ERCC6: variants seen among roughly 807,000 people sequenced by gnomAD.
ERCC6 encodes the protein ERCC excision repair 6, chromatin remodeling factor.
A neutral mutation model predicts 158.7 loss-of-function variants in ERCC6; 116 were observed. That is an observed-to-expected ratio of 0.73 (90% CI 0.63 to 0.85). The LOEUF (loss-of-function observed/expected upper bound fraction) is 0.85, where lower values mean the gene tolerates loss of function less well. ERCC6 is among the 40% of genes least tolerant of loss of function. The probability of loss-of-function intolerance (pLI) is 0.00; values close to 1 mark genes in which losing one functional copy is unlikely to be tolerated. For synonymous variants in ERCC6, 678 were observed against 659.3 expected (o/e 1.03, Z -0.43); for missense variants, 1,698 against 1,799.4 (o/e 0.94, Z 1.02).
At chr10:49,521,744 G>GA (rs1211294722) in intron 5 of ERCC6, among the ~76,000 whole-genome samples, 1 of 152,172 alleles carries the variant, frequency 6.6e-6, no homozygotes, top group Non-Finnish European at 1.5e-5. Flanking sequence ...TACACGGTTT[G>GA]AAAAATGGTT....
intron 7 of ERCC6, among the ~76,000 whole-genome samples, chr10:49,498,293 C>G (rs1245463765): frequency 6.6e-6 from 1 of 152,168 alleles, no homozygotes; most frequent in Non-Finnish European, 1.5e-5. Flanking sequence ...CAAATTAGGG[C>G]CCCTCTACAG....
At chr10:49,505,702 A>C (rs1281668462) in intron 6 of ERCC6, 182 bp downstream of exon 6, 1 of 664,520 alleles carries the variant, frequency 1.5e-6, no homozygotes, top group Non-Finnish European at 2.5e-6. Context: ...TAGTCAACTT[A>C]TTATCATCCA....
At chr10:49,519,690 C>T (rs911170865) in intron 5 of ERCC6, among the ~76,000 whole-genome samples, 10 of 152,122 alleles carry the variant, frequency 6.6e-5, no homozygotes, top group African/African-American at 2.2e-4. Flanking sequence ...TGAGTGTGGG[C>T]CATAGTAAAG....
intron 1 of ERCC6, among the ~76,000 whole-genome samples, chr10:49,534,145 A>AAC (rs1837539156): frequency 6.7e-6 from 1 of 149,042 alleles, no homozygotes; most frequent in Admixed American, 6.7e-5. Context: ...AAAAAAAAAA[A>AAC]AAAAAAAAAC....
At position 49,470,291 on chromosome 10, in the gene ERCC6, T is replaced by A; in HGVS notation, c.3669A>T (p.Pro1223=). The A allele has an allele frequency of 1.2e-6, 2 of 1,614,154 alleles. No homozygotes were observed. Among genetic ancestry groups the A allele is most frequent in the South Asian group, 1.1e-5 (1 of 91,078 alleles). ...GGTAACGCCTTTTCTTCACCAGGTG[T>A]GGAATTCGAGTTCCTTCAAACTTGG... ...RDAKFEGTRI[P]HLVKKRRYQK... The change falls in exon 18 of 21, where the codon CCA becomes CCT. Residue 1223 remains proline (P), a synonymous_variant. Transcript: ENST00000355832.
rs1259811578 is a variant in ERCC6 at position 49,455,263 on chromosome 10, CTT to C, written c.*3550_*3551del. Reference sequence around the variant, plus strand: ...AAATTTCATCCAAGAATATAAAAGACTTTAATAAAATGAGGCCTATCATAACA... The same window carrying C: ...AAATTTCATCCAAGAATATAAAAGACTAATAAAATGAGGCCTATCATAACA... On this transcript the variant is annotated 3_prime_UTR_variant, in exon 21 of 21. Coordinates refer to ENST00000355832, the MANE Select transcript of ERCC6 (RefSeq NM_000124.4). 5.9e-5 allele frequency: 9 copies of C among 152,034 alleles called. No homozygotes were observed. The highest frequency in any genetic ancestry group is 1.2e-4 in the Non-Finnish European group (8 of 68,006). The allele number at this position is 152,034 out of a possible 1,614,324, so 9.4% of individuals were successfully genotyped here.
In ERCC6 at chr10:49,524,686, A is replaced by G; in HGVS notation, c.744T>C (p.Phe248=). 6.2e-7 allele frequency: 1 copy of G among 1,612,588 alleles called. No homozygotes were observed. The highest frequency in any genetic ancestry group is 1.1e-5 in the South Asian group (1 of 91,082). The change falls in exon 5 of 21, where the codon TTT becomes TTC. Residue 248 remains phenylalanine (F), a synonymous_variant. Transcript: ENST00000355832. ...ELIRTGQMTP[F]GTQIPQKQEK... is the part of the protein sequence containing the mutation. ...CCTGTTTCTGAGGGATCTGGGTACCAAAAGGTGTCATCTGGCCAGTGCGGA... is the reference window on the plus strand; with the variant it reads ...CCTGTTTCTGAGGGATCTGGGTACCGAAAGGTGTCATCTGGCCAGTGCGGA...
intron 12 of ERCC6, among the ~76,000 whole-genome samples, chr10:49,475,089 C>T (rs1025323096): frequency 3.3e-5 from 5 of 152,222 alleles, no homozygotes; most frequent in Admixed American, 6.5e-5. Flanking sequence ...GTGACTCATT[C>T]TTCTTCCTTT....
At chr10:49,520,360 G>C (rs927444592) in intron 5 of ERCC6, among the ~76,000 whole-genome samples, 1 of 152,060 alleles carries the variant, frequency 6.6e-6, no homozygotes, top group Non-Finnish European at 1.5e-5. Context: ...AGTCTGCGAG[G>C]GCAGCAACTT....
the ERCC6 span, among the ~76,000 whole-genome samples, chr10:49,440,032 C>A: frequency 4.6e-5 from 7 of 152,192 alleles, no homozygotes; most frequent in African/African-American, 7.2e-5. Context: ...ATTTTCCTGT[C>A]CTCTTCTGAG....
At chr10:49,438,056 T>C in the ERCC6 span, among the ~76,000 whole-genome samples, 1 of 152,204 alleles carries the variant, frequency 6.6e-6, no homozygotes, top group Non-Finnish European at 1.5e-5. Context: ...ATTGTTATTT[T>C]CTAAAAACGT....
chr10:49,532,125 G>A lies in ERCC6; in HGVS notation c.422+418C>T, dbSNP rs536467494. Reference sequence around the variant, plus strand: ...ATGCAAATCTGAAAAATTGCCCAAGGACTGAACACTAAGTTTGGGGACAGT... The same window carrying A: ...ATGCAAATCTGAAAAATTGCCCAAGAACTGAACACTAAGTTTGGGGACAGT... On this transcript the variant is annotated intron_variant, in intron 2 of 20. Coordinates refer to ENST00000355832, the MANE Select transcript of ERCC6 (RefSeq NM_000124.4). 4.6e-5 allele frequency among the ~76,000 whole-genome samples: 7 copies of A among 152,292 alleles called. No homozygotes were observed. The East Asian group carries it at 1.2e-3, about 25-fold the overall frequency.
At chr10:49,533,777 T>C (rs1367398841) in intron 1 of ERCC6, among the ~76,000 whole-genome samples, 1 of 152,174 alleles carries the variant, frequency 6.6e-6, no homozygotes, top group African/African-American at 2.4e-5. Context: ...CACTCTAGCC[T>C]GGGCAAAAGA....
At chr10:49,512,765 G>T (rs1836844205) in intron 5 of ERCC6, among the ~76,000 whole-genome samples, 1 of 152,190 alleles carries the variant, frequency 6.6e-6, no homozygotes, top group Admixed American at 6.5e-5. Flanking sequence ...TAGGCTGAAG[G>T]TAATTTTATA....
At chr10:49,524,847 T>C in intron 4 of ERCC6, 70 bp from the exon 5 acceptor site, 2 of 1,584,434 alleles carry the variant, frequency 1.3e-6, no homozygotes, top group South Asian at 1.1e-5. Context: ...AAATGCTCAC[T>C]CTTTCAAGAA....
At chr10:49,449,568 T>G (rs1850395832), downstream of ERCC6, among the ~76,000 whole-genome samples, 5 of 134,378 alleles carry the variant, frequency 3.7e-5, no homozygotes, top group Non-Finnish European at 7.9e-5. Context: ...GTCTTTTTTT[T>G]TTTTTTTTTT....
chr10:49,451,776 C>T (rs528825301), downstream of ERCC6, among the ~76,000 whole-genome samples: 2 of 152,134 alleles, frequency 1.3e-5, no homozygotes, highest in Non-Finnish European at 2.9e-5. Flanking sequence ...GGGAAGTACT[C>T]CCTCCTATTT....
At chr10:49,477,855 C>G (rs1018467312) in intron 11 of ERCC6, among the ~76,000 whole-genome samples, 2 of 152,206 alleles carry the variant, frequency 1.3e-5, no homozygotes, top group African/African-American at 4.8e-5. Flanking sequence ...CTGACCAACC[C>G]TTACAAATGG....
intron 1 of ERCC6, among the ~76,000 whole-genome samples, chr10:49,538,624 T>C (rs577100883): frequency 2.6e-5 from 4 of 152,150 alleles, no homozygotes; most frequent in African/African-American, 4.8e-5. Flanking sequence ...AGCCCGACTC[T>C]CTTTAAAATA....
Sources: allele counts gnomAD v4.1 joint callset (sites outside exome capture counted in the v4.1 genomes callset), GRCh38; gene constraint gnomAD v4.1.1; transcripts MANE v1.5; gene names NCBI Gene and HGNC (gene_info 2026-07-23, HGNC 2026-07-21).